ABCA4: variants seen among roughly 807,000 people sequenced by gnomAD.
ABCA4 encodes ATP binding cassette subfamily A member 4.
ABCA4 carries 196 observed loss-of-function variants against 263.7 expected under a neutral mutation model. The ratio of observed to expected loss-of-function variants is 0.74; its 90% CI spans 0.66 to 0.84. The LOEUF is 0.84. Ranked by LOEUF, ABCA4 falls within the 40% of genes least tolerant of loss-of-function variation. The probability of loss-of-function intolerance (pLI) is 0.00; values close to 1 mark genes in which losing one functional copy is unlikely to be tolerated. For missense variants in ABCA4, 2,792 were observed against 2,855.1 expected (o/e 0.98, Z 0.50); for synonymous variants, 1,133 against 1,094.2 (o/e 1.04, Z -0.70).
At chr1:94,070,636 C>T (rs894152895) in intron 11 of ABCA4, among the ~76,000 whole-genome samples, 5 of 152,094 alleles carry the variant, frequency 3.3e-5, no homozygotes, top group Non-Finnish European at 5.9e-5. Context: ...GGTGCGGAGG[C>T]GTATAAACAA....
In ABCA4 at chr1:94,102,935, A is replaced by G. The variant is rs4847278; in HGVS notation, c.570+80T>C. 553,873 of 1,586,114 alleles carry G rather than the reference A, an allele frequency of 0.35. 98,390 individuals carry two copies. Among genetic ancestry groups the G allele is most frequent in the Middle Eastern group, 0.44 (2,621 of 5,936 alleles). ...TGAACACAAGGAAGAAAGAAGAAAA[A>G]AGCCAATATATTTCTTGCCTTTCTC... On this transcript the variant is annotated intron_variant, in intron 5 of 49. Transcript: ENST00000370225.
At chr1:94,005,232 G>A in intron 44 of ABCA4, 1 of 605,168 alleles carries the variant, frequency 1.7e-6, no homozygotes, top group Non-Finnish European at 2.9e-6. Context: ...AGATATGAGA[G>A]TGGGGATTTT....
Position 94,108,593 on chromosome 1 carries a change from G to T in ABCA4, c.426C>A (p.His142Gln). The T allele has an allele frequency of 1.9e-6, 3 of 1,613,598 alleles. No homozygotes were observed. The highest frequency in any genetic ancestry group is 2.5e-6 in the Non-Finnish European group (3 of 1,179,996). ...CATGCTTACCTGCAATTCTCTCCGG[G>T]TGAGTCCGGAGGGTGTCCATGAATT... ...LSQFMDTLRT[H>Q]PERIAGRGIR... is the part of the protein sequence containing the mutation. The change falls in exon 4 of 50, where the codon CAC becomes CAA. Residue 142 changes from histidine to glutamine, a missense_variant. By Grantham distance (24) the His-to-Gln change is conservative (BLOSUM62 0). Coordinates refer to ENST00000370225, the MANE Select transcript of ABCA4 (RefSeq NM_000350.3).
At position 94,021,260 on chromosome 1, in the gene ABCA4, C is replaced by T; in HGVS notation, c.4998G>A (p.Glu1666=). The change falls in exon 35 of 50, where the codon GAG becomes GAA. Residue 1666 remains glutamate (E), a synonymous_variant. Transcript: ENST00000370225. Reference sequence around the variant, plus strand: ...CTTACACTGTAATCTCTGAGAGCTGCTCCTTGGTCAGGTTCAGGGGTTGGC... The same window carrying T: ...CTTACACTGTAATCTCTGAGAGCTGTTCCTTGGTCAGGTTCAGGGGTTGGC... ...VISQPLNLTK[E]QLSEITVLTT... 6.2e-7 allele frequency: 1 copy of T among 1,614,200 alleles called. No homozygotes were observed. Among genetic ancestry groups the T allele is most frequent in the Non-Finnish European group, 8.5e-7 (1 of 1,180,036 alleles).
At chr1:94,064,145 G>A (rs1661205012) in intron 11 of ABCA4, among the ~76,000 whole-genome samples, 1 of 152,180 alleles carries the variant, frequency 6.6e-6, no homozygotes, top group African/African-American at 2.4e-5. Flanking sequence ...GAAGTCAGAT[G>A]GTCTTGTCTT....
At chr1:94,050,597 G>T (rs1305047380) in intron 17 of ABCA4, among the ~76,000 whole-genome samples, 1 of 151,946 alleles carries the variant, frequency 6.6e-6, no homozygotes, top group African/African-American at 2.4e-5. Flanking sequence ...AGTATCTGTT[G>T]GGATTGTAGA....
Position 94,121,058 on chromosome 1 carries a change from A to C in ABCA4, c.-13T>G. On this transcript the variant is annotated 5_prime_UTR_variant, in exon 1 of 50. Coordinates refer to ENST00000370225, the MANE Select transcript of ABCA4 (RefSeq NM_000350.3). ...TCACGAAGCCCATGCTAATGACCACACGAAGACCAGATTGGTCAGAGCTGA... is the reference window on the plus strand; with the variant it reads ...TCACGAAGCCCATGCTAATGACCACCCGAAGACCAGATTGGTCAGAGCTGA... 6.2e-7 allele frequency: 1 copy of C among 1,613,906 alleles called. No homozygotes were observed. Among genetic ancestry groups the C allele is most frequent in the Non-Finnish European group, 8.5e-7 (1 of 1,179,806 alleles).
At chr1:94,042,672 T>C in intron 22 of ABCA4, 89 bp downstream of exon 22, 1 of 1,568,552 alleles carries the variant, frequency 6.4e-7, no homozygotes, top group South Asian at 1.1e-5. Context: ...GTTCCTGTAC[T>C]CAGCTACAAA....
At chr1:94,019,287 G>C in intron 36 of ABCA4, 1 of 334,486 alleles carries the variant, frequency 3.0e-6, no homozygotes, top group Non-Finnish European at 5.6e-6. Flanking sequence ...ACTCATGCCT[G>C]CGGTGCAGTG....
intron 18 of ABCA4, among the ~76,000 whole-genome samples, chr1:94,047,850 T>A (rs1214707214): frequency 6.6e-6 from 1 of 152,190 alleles, no homozygotes; most frequent in East Asian, 1.9e-4. Context: ...CTCTCACTTC[T>A]CCCTGACCTC....
At chr1:94,107,494 C>A (rs1662471499) in intron 4 of ABCA4, among the ~76,000 whole-genome samples, 1 of 152,238 alleles carries the variant, frequency 6.6e-6, no homozygotes, top group Admixed American at 6.5e-5. Context: ...CCCACTCACA[C>A]TTTGTAAAGG....
In ABCA4 at chr1:94,001,900, GGA is replaced by G. The variant is rs281865382; in HGVS notation, c.6238_6239del (p.Ser2080HisfsTer16). 1.2e-6 allele frequency: 2 copies of G among 1,614,228 alleles called. No homozygotes were observed. Among genetic ancestry groups the G allele is most frequent in the Non-Finnish European group, 1.7e-6 (2 of 1,180,036 alleles). On this transcript the variant is annotated frameshift_variant, in exon 45 of 50. Transcript: ENST00000370225. LOFTEE classifies it high-confidence loss of function. ...GGCAGCCAATGAGTGCGATGGCTGT[GGA>G]GAGTTTCCGCTTGTTGCCCCCACTG... ...TYSGGNKRKL[S>X]TAIALIGCPP...
At chr1:94,096,468 G>A (rs932286671) in intron 6 of ABCA4, among the ~76,000 whole-genome samples, 10 of 152,162 alleles carry the variant, frequency 6.6e-5, no homozygotes, top group Non-Finnish European at 1.5e-4. Context: ...CCCTTCACAG[G>A]TGCCTGATGC....
intron 6 of ABCA4, among the ~76,000 whole-genome samples, chr1:94,092,959 G>A (rs181723030): frequency 1.3e-5 from 2 of 152,294 alleles, no homozygotes; most frequent in African/African-American, 4.8e-5. Context: ...TGTAGGACAA[G>A]TCTTATTTTC....
At position 94,019,602 on chromosome 1, in the gene ABCA4, T is replaced by TC. The variant is rs1057518955; in HGVS notation, c.5175dup (p.Thr1726AspfsTer61). 1 of 1,608,944 alleles carries TC rather than the reference T, an allele frequency of 6.2e-7. No individual in the cohort carries two copies. The highest frequency in any genetic ancestry group is 8.5e-7 in the Non-Finnish European group (1 of 1,177,456). On this transcript the variant is annotated frameshift_variant, in exon 36 of 50. Coordinates refer to ENST00000370225, the MANE Select transcript of ABCA4 (RefSeq NM_000350.3). LOFTEE classifies it high-confidence loss of function. Reference sequence around the variant, plus strand: ...CTTACGATGTCCCAGAGGAAGTTGGTCACCCAGTAGGTGGTGGGGCTCACT... The same window carrying TC: ...CTTACGATGTCCCAGAGGAAGTTGGTCCACCCAGTAGGTGGTGGGGCTCACT...
chr1:94,031,520 C>T lies in ABCA4; in HGVS notation c.4128+258G>A, dbSNP rs377534622. 1.3e-4 allele frequency among the ~76,000 whole-genome samples: 20 copies of T among 152,326 alleles called. 1 individual carries two copies. The highest frequency in any genetic ancestry group is 7.2e-4 in the Admixed American group (11 of 15,304). ...TGAATGAAAACATGACTTTATCCCT[C>T]ACTGTAAAAATAAAAACAATATTAA... On this transcript the variant is annotated intron_variant, in intron 27 of 49. Coordinates refer to ENST00000370225, the MANE Select transcript of ABCA4 (RefSeq NM_000350.3).
chr1:94,025,045 T>C lies in ABCA4; in HGVS notation c.4543A>G (p.Thr1515Ala), dbSNP rs1446835802. The C allele has an allele frequency of 6.2e-7, 1 of 1,614,020 alleles. No homozygotes were observed. Among genetic ancestry groups the C allele is most frequent in the Non-Finnish European group, 8.5e-7 (1 of 1,179,962 alleles). Residue 1515 changes from threonine (T) to alanine (A), a missense_variant, in exon 31 of 50, where the codon ACA (threonine) becomes GCA (alanine). Transcript: ENST00000370225. ...TGTAGAATTTCCGTGCTGCGCTGTGTTCTCTGAGGCAATGAGACACCCACG... is the reference window on the plus strand; with the variant it reads ...TGTAGAATTTCCGTGCTGCGCTGTGCTCTCTGAGGCAATGAGACACCCACG... ...GAGGLPPPQR[T>A]QRSTEILQDL...
At chr1:94,074,711 A>G (rs1346468411) in intron 11 of ABCA4, among the ~76,000 whole-genome samples, 4 of 152,244 alleles carry the variant, frequency 2.6e-5, no homozygotes, top group Admixed American at 6.5e-5. Context: ...AGAAATAGGA[A>G]GGCTTTTACA....
At chr1:94,009,533 CT>C (rs1408577061) in intron 40 of ABCA4, among the ~76,000 whole-genome samples, 2 of 152,210 alleles carry the variant, frequency 1.3e-5, no homozygotes, top group South Asian at 2.1e-4. Context: ...GCATCTCCCC[CT>C]GGTTCCCAGT....
Sources: gnomAD v4.1 joint callset for allele counts (sites outside exome capture counted in the v4.1 genomes callset) on GRCh38, gnomAD v4.1.1 for gene constraint, MANE v1.5 for transcripts, NCBI Gene and HGNC (gene_info 2026-07-23, HGNC 2026-07-21) for gene names.